CDH13: variants seen among roughly 807,000 people sequenced by gnomAD.
The protein encoded by CDH13 is cadherin-13.
CDH13 carries 24 observed loss-of-function variants against 63.8 expected under a neutral mutation model. That is an observed-to-expected ratio of 0.38 (90% CI 0.27 to 0.53). CDH13 has a LOEUF of 0.53. Among genes scored for constraint, CDH13 ranks in the 20% least tolerant of loss-of-function variants. CDH13 has a pLI of 0.85. For synonymous variants in CDH13, 503 were observed against 355.3 expected, an observed-to-expected ratio of 1.42 and a Z score of -4.67; for missense variants, 1,049 against 903.1, an observed-to-expected ratio of 1.16 and a Z score of -2.07.
chr16:82,739,816 A>C (rs956952804), intron 1 of CDH13, among the ~76,000 whole-genome samples: 3 of 152,216 alleles, frequency 2.0e-5, no homozygotes, highest in African/African-American at 7.2e-5. Flanking sequence ...ATTTACCTGA[A>C]TAGTATATAT....
At chr16:83,326,919 A>C (rs1002857551) in intron 5 of CDH13, among the ~76,000 whole-genome samples, 1 of 152,174 alleles carries the variant, frequency 6.6e-6, no homozygotes, top group African/African-American at 2.4e-5. Context: ...AAATGGTGCA[A>C]TATGTGTTAA....
At position 83,301,981 on chromosome 16, in the gene CDH13, AG is replaced by A. The variant is rs200664660; in HGVS notation, c.637-42880del. On this transcript the variant is annotated intron_variant, in intron 5 of 13. Coordinates refer to ENST00000567109, the MANE Select transcript of CDH13 (RefSeq NM_001257.5). ...AAAGTAAATTTAAGAAAAAAAAAAAAGAGTTAAGGAATGAAGTAAAACTTGC... is the reference window on the plus strand; with the variant it reads ...AAAGTAAATTTAAGAAAAAAAAAAAAAGTTAAGGAATGAAGTAAAACTTGC... Among the ~76,000 whole-genome samples, 62 of 151,840 alleles carry A rather than the reference AG, an allele frequency of 4.1e-4. No homozygotes were observed. In the East Asian group the frequency reaches 4.6e-3, roughly 11 times the overall value.
At chr16:82,766,180 T>C (rs546278698) in intron 1 of CDH13, among the ~76,000 whole-genome samples, 6 of 152,242 alleles carry the variant, frequency 3.9e-5, no homozygotes, top group Admixed American at 1.3e-4. Flanking sequence ...TCTTTAGGCT[T>C]CTGCTAAAAA....
rs145588340 is a variant in CDH13 at position 82,687,293 on chromosome 16, G to C, written c.45+60156G>C. Reference sequence around the variant, plus strand: ...CTTAACTTCTGGGATACTGGGTGGTGGTGGGGTTACTATTTCCAATTTATA... The same window carrying C: ...CTTAACTTCTGGGATACTGGGTGGTCGTGGGGTTACTATTTCCAATTTATA... On this transcript the variant is annotated intron_variant, in intron 1 of 13. Transcript: ENST00000567109. Among the ~76,000 whole-genome samples, 284 of 152,292 alleles carry C rather than the reference G, an allele frequency of 1.9e-3. 1 individual carries two copies. Among genetic ancestry groups the C allele is most frequent in the African/African-American group, 6.6e-3 (274 of 41,558 alleles).
intron 3 of CDH13, among the ~76,000 whole-genome samples, chr16:83,119,372 T>A (rs973649421): frequency 6.6e-6 from 1 of 152,192 alleles, no homozygotes; most frequent in Admixed American, 6.5e-5. Flanking sequence ...ATGCAATTCC[T>A]CATGTCCCCT....
chr16:83,189,620 T>C (rs975345790), intron 4 of CDH13, among the ~76,000 whole-genome samples: 1 of 152,170 alleles, frequency 6.6e-6, no homozygotes, highest in Non-Finnish European at 1.5e-5. Context: ...CTCACACAGT[T>C]GCACTTTGTA....
At chr16:83,293,877 C>T (rs565275409) in intron 5 of CDH13, among the ~76,000 whole-genome samples, 2 of 152,194 alleles carry the variant, frequency 1.3e-5, no homozygotes, top group African/African-American at 4.8e-5. Context: ...AAGGGCTTCA[C>T]TGTTTACCAG....
chr16:83,585,309 G>T (rs1455300210), intron 7 of CDH13, among the ~76,000 whole-genome samples: 2 of 152,142 alleles, frequency 1.3e-5, no homozygotes, highest in African/African-American at 4.8e-5. Context: ...AGACACAACA[G>T]TAACCCAAAC....
chr16:82,780,536 A>AT (rs2035704396), intron 1 of CDH13, among the ~76,000 whole-genome samples: 3 of 151,266 alleles, frequency 2.0e-5, no homozygotes, highest in African/African-American at 7.2e-5. Context: ...TGATGCTGAC[A>AT]TTTTGTAATT....
intron 6 of CDH13, among the ~76,000 whole-genome samples, chr16:83,448,399 C>T (rs979360711): frequency 2.0e-5 from 3 of 152,138 alleles, no homozygotes; most frequent in Non-Finnish European, 4.4e-5. Context: ...GAGGGTTCAG[C>T]AGTTCTGTGC....
intron 13 of CDH13, among the ~76,000 whole-genome samples, chr16:83,791,898 T>C (rs946541065): frequency 1.3e-5 from 2 of 151,612 alleles, no homozygotes; most frequent in South Asian, 2.1e-4. Context: ...ATTGTTTGCA[T>C]AAAACAAAAT....
intron 2 of CDH13, among the ~76,000 whole-genome samples, chr16:82,889,081 G>C (rs1228269372): frequency 6.6e-6 from 1 of 152,196 alleles, no homozygotes; most frequent in African/African-American, 2.4e-5. Context: ...TCTAATGAAT[G>C]AGAGTCACTC....
chr16:83,348,205 C>T (rs1223833181), intron 6 of CDH13, among the ~76,000 whole-genome samples: 3 of 152,066 alleles, frequency 2.0e-5, no homozygotes, highest in African/African-American at 7.2e-5. Flanking sequence ...AAAATGAAAC[C>T]TAAGAGCCAC....
At chr16:83,363,643 T>C (rs966594757) in intron 6 of CDH13, among the ~76,000 whole-genome samples, 1 of 152,194 alleles carries the variant, frequency 6.6e-6, no homozygotes, top group African/African-American at 2.4e-5. Context: ...GACTTCAAGA[T>C]GTGAATAGGC....
chr16:83,309,829 T>A, intron 5 of CDH13, among the ~76,000 whole-genome samples: 1 of 152,258 alleles, frequency 6.6e-6, no homozygotes, highest in Non-Finnish European at 1.5e-5. Context: ...TTTTTAACTT[T>A]GTCTTTGTGG....
intron 1 of CDH13, among the ~76,000 whole-genome samples, chr16:82,818,384 G>C (rs1351260418): frequency 6.6e-6 from 1 of 152,114 alleles, no homozygotes; most frequent in Non-Finnish European, 1.5e-5. Flanking sequence ...AACAGAAAGA[G>C]AGCAAAGCAA....
At chr16:83,152,417 A>G (rs1337274833) in intron 4 of CDH13, among the ~76,000 whole-genome samples, 2 of 152,274 alleles carry the variant, frequency 1.3e-5, no homozygotes, top group Admixed American at 6.5e-5. Context: ...ACAATATTAT[A>G]GCATTGTTCT....
rs186799389 is a variant in CDH13, at chr16:83,555,043, T to C, written c.961-47411T>C. On this transcript the variant is annotated intron_variant, in intron 7 of 13. Transcript: ENST00000567109. ...GGCCAGAGGTGGAGGGTAGGAGCCA[T>C]TGAGTGAAAAAGCAAGTCAACATCT... 1.4e-3 allele frequency among the ~76,000 whole-genome samples: 218 copies of C among 151,766 alleles called. 1 individual carries two copies. Among genetic ancestry groups the C allele is most frequent in the South Asian group, 6.3e-3 (30 of 4,792 alleles).
chr16:82,749,790 C>G (rs10514557), intron 1 of CDH13, among the ~76,000 whole-genome samples: 41,202 of 151,930 alleles, frequency 0.27, 6,315 homozygotes, highest in South Asian at 0.38. Context: ...GTTTCTTTGC[C>G]TCCCTCATTT....
Sources: allele counts gnomAD v4.1 joint callset (sites outside exome capture counted in the v4.1 genomes callset), GRCh38; gene constraint gnomAD v4.1.1; transcripts MANE v1.5; gene names NCBI Gene and HGNC (gene_info 2026-07-23, HGNC 2026-07-21).